Variants in FHIT observed in about 807,000 individuals in gnomAD.
The protein encoded by FHIT is bis(5'-adenosyl)-triphosphatase.
Under a neutral mutation model 17.9 loss-of-function variants are expected in FHIT, and 19 were observed. The ratio of observed to expected loss-of-function variants is 1.06; its 90% confidence interval spans 0.74 to 1.56. FHIT has a LOEUF of 1.56. Ranked by LOEUF, FHIT falls within the 40% of genes most tolerant of loss-of-function variation. The pLI is 0.00. For synonymous variants in FHIT, 81 were observed against 69.7 expected, an observed-to-expected ratio of 1.16 and a Z score of -0.81; for missense variants, 248 against 189.2, an observed-to-expected ratio of 1.31 and a Z score of -1.82.
chr3:60,142,082 C>T (rs1184628497), intron 5 of FHIT, among the ~76,000 whole-genome samples: 1 of 152,154 alleles, frequency 6.6e-6, no homozygotes, highest in Non-Finnish European at 1.5e-5. Context: ...AAAAGAATTA[C>T]CATCCATTCC....
At chr3:61,135,031 G>A (rs528556588) in intron 2 of FHIT, among the ~76,000 whole-genome samples, 1 of 152,128 alleles carries the variant, frequency 6.6e-6, no homozygotes, top group Non-Finnish European at 1.5e-5. Context: ...GAGGTGGGAA[G>A]CTGACTTGGA....
intron 4 of FHIT, among the ~76,000 whole-genome samples, chr3:60,744,475 G>A (rs2042317327): frequency 6.6e-6 from 1 of 152,018 alleles, no homozygotes; most frequent in Admixed American, 6.6e-5. Flanking sequence ...TTCTAATAGG[G>A]GATCCATGAC....
intron 5 of FHIT, among the ~76,000 whole-genome samples, chr3:60,361,403 T>C (rs11130768): frequency 0.63 from 95,819 of 151,988 alleles, 31,481 homozygotes; most frequent in African/African-American, 0.81. Flanking sequence ...CACAAAAAAA[T>C]CCTGTGTTTT....
chr3:59,794,269 C>T (rs1417827452), intron 8 of FHIT, among the ~76,000 whole-genome samples: 1 of 152,186 alleles, frequency 6.6e-6, no homozygotes, highest in Non-Finnish European at 1.5e-5. Context: ...CTGAAGCTTT[C>T]CATTATAGCA....
chr3:59,991,801 C>T (rs1216396459), intron 7 of FHIT, among the ~76,000 whole-genome samples: 1 of 152,036 alleles, frequency 6.6e-6, no homozygotes, highest in African/African-American at 2.4e-5. Context: ...ACTACTGCCA[C>T]CTTTATACCT....
At chr3:60,127,427 C>T (rs1385749115) in intron 5 of FHIT, among the ~76,000 whole-genome samples, 4 of 152,058 alleles carry the variant, frequency 2.6e-5, no homozygotes. Flanking sequence ...ATAACTTCCT[C>T]CCCCTTTCCA....
intron 5 of FHIT, among the ~76,000 whole-genome samples, chr3:60,235,385 C>G (rs1221204117): frequency 6.6e-6 from 1 of 151,948 alleles, no homozygotes; most frequent in Non-Finnish European, 1.5e-5. Flanking sequence ...CACCCATAAC[C>G]AAGCCCAGCT....
intron 8 of FHIT, among the ~76,000 whole-genome samples, chr3:59,784,960 C>A (rs1702768987): frequency 6.6e-6 from 1 of 152,100 alleles, no homozygotes. Flanking sequence ...AAGCATGATG[C>A]TGGCATCATG....
chr3:60,945,675 C>T (rs1270222574), intron 3 of FHIT, among the ~76,000 whole-genome samples: 1 of 152,102 alleles, frequency 6.6e-6, no homozygotes, highest in Non-Finnish European at 1.5e-5. Context: ...TTATACAGTT[C>T]ATGCAGAATA....
intron 5 of FHIT, among the ~76,000 whole-genome samples, chr3:60,097,024 T>A (rs372329690): frequency 5.5e-5 from 7 of 127,234 alleles, no homozygotes; most frequent in Admixed American, 3.4e-4. Flanking sequence ...CTGTTATTAT[T>A]AAAAAAAAAA....
chr3:60,657,176 G>T (rs1312520681), intron 4 of FHIT, among the ~76,000 whole-genome samples: 1 of 152,138 alleles, frequency 6.6e-6, no homozygotes, highest in African/African-American at 2.4e-5. Flanking sequence ...ATAATAATTA[G>T]AAAGAGACAA....
intron 5 of FHIT, among the ~76,000 whole-genome samples, chr3:60,535,502 A>T (rs953297705): frequency 7.2e-5 from 11 of 152,178 alleles, no homozygotes; most frequent in African/African-American, 2.4e-4. Context: ...TACTTCAAGA[A>T]ATTCAGGTCT....
chr3:59,887,847 T>C (rs1703691827), intron 8 of FHIT, among the ~76,000 whole-genome samples: 1 of 152,170 alleles, frequency 6.6e-6, no homozygotes, highest in Admixed American at 6.5e-5. Flanking sequence ...TTGATCGTCT[T>C]CAATTCCCTT....
chr3:60,238,952 A>G (rs1704963344), intron 5 of FHIT, among the ~76,000 whole-genome samples: 1 of 152,220 alleles, frequency 6.6e-6, no homozygotes, highest in African/African-American at 2.4e-5. Flanking sequence ...ATCATTTTCT[A>G]AAACATGGTC....
At chr3:61,135,542 A>C (rs1260708963) in intron 2 of FHIT, among the ~76,000 whole-genome samples, 1 of 152,010 alleles carries the variant, frequency 6.6e-6, no homozygotes, top group Non-Finnish European at 1.5e-5. Flanking sequence ...ATTTCATTTT[A>C]AGTGTATGTC....
chr3:60,942,675 A>G (rs1390654861), intron 3 of FHIT, among the ~76,000 whole-genome samples: 1 of 151,712 alleles, frequency 6.6e-6, no homozygotes, highest in Admixed American at 6.6e-5. Flanking sequence ...GATCTTCTCT[A>G]CTGTTTCTTT....
At chr3:60,007,459 G>A (rs924185676) in intron 7 of FHIT, among the ~76,000 whole-genome samples, 2 of 152,014 alleles carry the variant, frequency 1.3e-5, no homozygotes, top group African/African-American at 2.4e-5. Flanking sequence ...TATGAGATTC[G>A]TTCCAACAAG....
At chr3:59,810,705 C>T (rs953711743) in intron 8 of FHIT, among the ~76,000 whole-genome samples, 5 of 152,122 alleles carry the variant, frequency 3.3e-5, no homozygotes, top group Admixed American at 6.5e-5. Flanking sequence ...TCCTTTATGC[C>T]TCTCCACCCT....
At chr3:61,212,406 T>C (rs573690239) in intron 1 of FHIT, among the ~76,000 whole-genome samples, 5 of 152,226 alleles carry the variant, frequency 3.3e-5, no homozygotes, top group African/African-American at 2.4e-5. Flanking sequence ...GTATCAATGA[T>C]GGAAGATGAA....
Sources: gnomAD v4.1 joint callset for allele counts (sites outside exome capture counted in the v4.1 genomes callset) on GRCh38, gnomAD v4.1.1 for gene constraint, MANE v1.5 for transcripts, NCBI Gene and HGNC (gene_info 2026-07-23, HGNC 2026-07-21) for gene names.